Variants in RBFOX1 observed in about 807,000 individuals in gnomAD.
RBFOX1 encodes the protein RNA binding protein fox-1 homolog 1.
In RBFOX1, 8 loss-of-function variants were observed where a neutral mutation model predicts 57.7. That is an observed-to-expected ratio of 0.14 (90% CI 0.08 to 0.25). RBFOX1 has a LOEUF of 0.25. Ranked by LOEUF, RBFOX1 falls within the 10% of genes least tolerant of loss-of-function variation. The probability of loss-of-function intolerance (pLI) is 1.00; values close to 1 mark genes in which losing one functional copy is unlikely to be tolerated. For missense variants in RBFOX1, 611 were observed against 548.5 expected (o/e 1.11, Z -1.14); for synonymous variants, 326 against 222.4 (o/e 1.47, Z -4.15).
intron 4 of RBFOX1, among the ~76,000 whole-genome samples, chr16:7,068,748 CAGCTAATTT>C (rs1342489637): frequency 6.6e-6 from 1 of 152,112 alleles, no homozygotes; most frequent in African/African-American, 2.4e-5. Flanking sequence ...CCACCACACC[CAGCTAATTT>C]TTTGTATTTT....
chr16:7,226,173 A>G (rs1009848572), intron 4 of RBFOX1, among the ~76,000 whole-genome samples: 4 of 152,176 alleles, frequency 2.6e-5, no homozygotes, highest in Non-Finnish European at 5.9e-5. Flanking sequence ...GTAACATCCC[A>G]GGGATAACTC....
intron 4 of RBFOX1, among the ~76,000 whole-genome samples, chr16:6,010,261 A>G (rs1055930743): frequency 6.6e-6 from 1 of 152,156 alleles, no homozygotes; most frequent in African/African-American, 2.4e-5. Flanking sequence ...GTGGTATAGG[A>G]TTAACACCTC....
chr16:6,738,452 T>A (rs2071072277), intron 3 of RBFOX1, among the ~76,000 whole-genome samples: 1 of 152,086 alleles, frequency 6.6e-6, no homozygotes, highest in Non-Finnish European at 1.5e-5. Flanking sequence ...ATTCTGAATG[T>A]GTATGTATCG....
intron 10 of RBFOX1, among the ~76,000 whole-genome samples, chr16:7,616,667 G>A (rs2058497740): frequency 6.6e-6 from 1 of 152,136 alleles, no homozygotes; most frequent in South Asian, 2.1e-4. Flanking sequence ...AGGTAGCTGG[G>A]ATTACTGGTG....
At chr16:5,652,647 A>G (rs2049278806) in intron 3 of RBFOX1, among the ~76,000 whole-genome samples, 1 of 152,092 alleles carries the variant, frequency 6.6e-6, no homozygotes, top group Non-Finnish European at 1.5e-5. Flanking sequence ...TCACATTCAG[A>G]AGCTTAGCTG....
intron 1 of RBFOX1, among the ~76,000 whole-genome samples, chr16:5,435,942 A>G (rs1284256487): frequency 6.6e-6 from 1 of 152,216 alleles, no homozygotes; most frequent in Non-Finnish European, 1.5e-5. Context: ...CACACCTTTG[A>G]TTACTTCCTT....
chr16:6,977,218 T>C (rs1157299664), intron 3 of RBFOX1, among the ~76,000 whole-genome samples: 4 of 143,236 alleles, frequency 2.8e-5, no homozygotes. Context: ...ATATATATTA[T>C]CATATAATCA....
chr16:7,159,797 C>T (rs771805388), intron 4 of RBFOX1, among the ~76,000 whole-genome samples: 7 of 152,146 alleles, frequency 4.6e-5, no homozygotes, highest in East Asian at 1.9e-4. Flanking sequence ...CAAGAGCCAA[C>T]GCATACATCC....
intron 2 of RBFOX1, among the ~76,000 whole-genome samples, chr16:6,479,345 C>T (rs2095333269): frequency 6.6e-6 from 1 of 152,128 alleles, no homozygotes; most frequent in Non-Finnish European, 1.5e-5. Flanking sequence ...CATCAGATCT[C>T]AGGACGCTGA....
At chr16:7,283,214 G>A (rs1333410644) in intron 4 of RBFOX1, among the ~76,000 whole-genome samples, 1 of 151,790 alleles carries the variant, frequency 6.6e-6, no homozygotes, top group South Asian at 2.1e-4. Flanking sequence ...TTTTGACTTT[G>A]TGTGCCTCTC....
intron 4 of RBFOX1, among the ~76,000 whole-genome samples, chr16:7,442,229 C>T (rs544797528): frequency 6.6e-6 from 1 of 152,106 alleles, no homozygotes; most frequent in Non-Finnish European, 1.5e-5. Context: ...CCTGACTACT[C>T]CAATGCCAGG....
intron 2 of RBFOX1, among the ~76,000 whole-genome samples, chr16:6,587,539 C>G (rs1332422580): frequency 6.6e-6 from 1 of 152,134 alleles, no homozygotes; most frequent in Non-Finnish European, 1.5e-5. Flanking sequence ...GCCTCGGCCT[C>G]TGAAATTGCT....
At chr16:7,351,661 T>A (rs1002173888) in intron 4 of RBFOX1, among the ~76,000 whole-genome samples, 1 of 152,198 alleles carries the variant, frequency 6.6e-6, no homozygotes, top group African/African-American at 2.4e-5. Context: ...CTTGTTCTCT[T>A]TTTTTCGCTT....
At chr16:7,469,134 C>T (rs1207514612) in intron 4 of RBFOX1, among the ~76,000 whole-genome samples, 1 of 152,086 alleles carries the variant, frequency 6.6e-6, no homozygotes, top group Non-Finnish European at 1.5e-5. Flanking sequence ...CGGGGTTTGA[C>T]CGTGTTAGCC....
intron 1 of RBFOX1, among the ~76,000 whole-genome samples, chr16:5,362,244 G>T (rs1484108073): frequency 6.6e-6 from 1 of 152,068 alleles, no homozygotes; most frequent in East Asian, 1.9e-4. Context: ...AGGCTGGAGT[G>T]CAGTGGCACG....
intron 1 of RBFOX1, among the ~76,000 whole-genome samples, chr16:5,290,593 G>T (rs970737824): frequency 6.6e-6 from 1 of 152,102 alleles, no homozygotes; most frequent in African/African-American, 2.4e-5. Context: ...TTGAAGAGAT[G>T]ACACTTAAGG....
intron 4 of RBFOX1, among the ~76,000 whole-genome samples, chr16:7,516,340 G>C (rs1243074452): frequency 6.6e-6 from 1 of 152,028 alleles, no homozygotes; most frequent in Admixed American, 6.6e-5. Flanking sequence ...CTATCTCAGT[G>C]GGACCATCTG....
intron 4 of RBFOX1, among the ~76,000 whole-genome samples, chr16:7,499,460 G>A (rs556843593): frequency 2.7e-5 from 4 of 150,940 alleles, no homozygotes; most frequent in South Asian, 4.2e-4. Context: ...TGGGACTTTA[G>A]TATTGGAATT....
chr16:5,662,795 C>G (rs2049700055), intron 3 of RBFOX1, among the ~76,000 whole-genome samples: 2 of 152,214 alleles, frequency 1.3e-5, no homozygotes, highest in Non-Finnish European at 1.5e-5. Context: ...GTTTAGTCCC[C>G]TCCACTTCTA....
Sources: gnomAD v4.1 joint callset for allele counts (sites outside exome capture counted in the v4.1 genomes callset) on GRCh38, gnomAD v4.1.1 for gene constraint, MANE v1.5 for transcripts, NCBI Gene and HGNC (gene_info 2026-07-23, HGNC 2026-07-21) for gene names.